ASTN1: variants seen among roughly 807,000 people sequenced by gnomAD.
ASTN1 encodes the protein astrotactin-1.
ASTN1 carries 41 observed loss-of-function variants against 140.7 expected under a neutral mutation model. The ratio of observed to expected loss-of-function variants is 0.29; its 90% confidence interval spans 0.23 to 0.38. The LOEUF (loss-of-function observed/expected upper bound fraction) is 0.38, where lower values mean the gene tolerates loss of function less well. Ranked by LOEUF, ASTN1 falls within the 10% of genes least tolerant of loss-of-function variation. The probability of loss-of-function intolerance (pLI) is 1.00; values close to 1 mark genes in which losing one functional copy is unlikely to be tolerated. For missense variants in ASTN1, 1,479 were observed against 1,678.8 expected, an observed-to-expected ratio of 0.88 and a Z score of 2.08; for synonymous variants, 640 against 652.2, an observed-to-expected ratio of 0.98 and a Z score of 0.29.
intron 8 of ASTN1, among the ~76,000 whole-genome samples, chr1:176,968,590 G>A (rs570279757): frequency 7.9e-5 from 12 of 152,324 alleles, no homozygotes; most frequent in Admixed American, 5.9e-4. Context: ...AGAAGTCAGC[G>A]AGTAGCAAAA....
chr1:176,887,827 G>A (rs559947387), intron 18 of ASTN1, among the ~76,000 whole-genome samples: 3 of 152,232 alleles, frequency 2.0e-5, no homozygotes, highest in South Asian at 2.1e-4. Flanking sequence ...TCACCATGGC[G>A]TCAGTTCAGA....
chr1:177,129,461 T>C (rs1023544529), intron 1 of ASTN1, among the ~76,000 whole-genome samples: 1 of 152,184 alleles, frequency 6.6e-6, no homozygotes, highest in Non-Finnish European at 1.5e-5. Flanking sequence ...CCGCCAGATC[T>C]AGAAGCACTG....
At chr1:176,899,192 G>A (rs1290310081) in intron 16 of ASTN1, among the ~76,000 whole-genome samples, 2 of 152,248 alleles carry the variant, frequency 1.3e-5, no homozygotes, top group Admixed American at 6.5e-5. Context: ...GTATCCTACA[G>A]CATACAGTGG....
chr1:177,053,806 C>G (rs547156751), intron 2 of ASTN1, among the ~76,000 whole-genome samples: 3 of 152,254 alleles, frequency 2.0e-5, no homozygotes, highest in Admixed American at 2.0e-4. Context: ...ATAAACCCAC[C>G]ACCAGCTGTG....
At chr1:177,057,250 C>A (rs1677852493) in intron 2 of ASTN1, among the ~76,000 whole-genome samples, 1 of 152,102 alleles carries the variant, frequency 6.6e-6, no homozygotes, top group Non-Finnish European at 1.5e-5. Flanking sequence ...GCCGAGCTCC[C>A]AGCTGGGGAA....
intron 16 of ASTN1, among the ~76,000 whole-genome samples, chr1:176,928,375 T>TA (rs1315759011): frequency 2.0e-5 from 3 of 152,116 alleles, no homozygotes; most frequent in African/African-American, 7.2e-5. Context: ...CTTTTGAAAT[T>TA]AAAAAAAGAA....
At chr1:177,085,247 T>C (rs529592124) in intron 1 of ASTN1, among the ~76,000 whole-genome samples, 1 of 152,254 alleles carries the variant, frequency 6.6e-6, no homozygotes, top group Non-Finnish European at 1.5e-5. Flanking sequence ...TTCTTACCTA[T>C]AAAACAAAGT....
In ASTN1 at chr1:176,949,201, T is replaced by C. The variant is rs376903538; in HGVS notation, c.2038A>G (p.Ile680Val). The C allele has an allele frequency of 3.7e-6, 6 of 1,613,832 alleles. No homozygotes were observed. In the African/African-American group the frequency reaches 5.3e-5, roughly 14 times the overall value. ...TCAACTCACCCACAGAACATGAGGATGTTATACAAGGTGGGGTCGTCCGGG... is the reference window on the plus strand; with the variant it reads ...TCAACTCACCCACAGAACATGAGGACGTTATACAAGGTGGGGTCGTCCGGG... ...PFPDDPTLYN[I>V]LMFCGCIEDY... Residue 680 changes from isoleucine (I) to valine (V), a missense_variant, in exon 12 of 23, where the codon ATC becomes GTC. By Grantham distance (29) the Ile-to-Val change is conservative (BLOSUM62 3). This residue lies in a region of ASTN1 where 746 missense variants were observed against 800.9 expected (regional missense o/e 0.93). Coordinates refer to ENST00000361833, the MANE Select transcript of ASTN1 (RefSeq NM_004319.3).
intron 1 of ASTN1, among the ~76,000 whole-genome samples, chr1:177,118,338 A>T (rs1681199281): frequency 6.6e-6 from 1 of 152,194 alleles, no homozygotes; most frequent in Non-Finnish European, 1.5e-5. Context: ...TTATTTTTCA[A>T]TTATCACGAA....
rs752963618 is a variant in ASTN1, at chr1:176,884,341, G to C, written c.3224C>G (p.Thr1075Arg). The C allele has an allele frequency of 6.2e-7, 1 of 1,613,422 alleles. No homozygotes were observed. The highest frequency in any genetic ancestry group is 8.5e-7 in the Non-Finnish European group (1 of 1,179,350). ...TDRMDHSKVE[T>R]ETVLSFVDDI... ...CCCATGAAGTAGAAGGTGCTCACCTGTCTCCACTTTGGAGTGGTCCATCCT... is the reference window on the plus strand; with the variant it reads ...CCCATGAAGTAGAAGGTGCTCACCTCTCTCCACTTTGGAGTGGTCCATCCT... The change falls in exon 19 of 23, where the codon ACA (threonine) becomes AGA (arginine). Residue 1075 changes from threonine (T) to arginine (R), a missense_variant and splice_region_variant. Thr to Arg is a moderately conservative substitution (Grantham distance 71). This residue lies in a region of ASTN1 where 746 missense variants were observed against 800.9 expected (regional missense o/e 0.93). Coordinates refer to ENST00000361833, the MANE Select transcript of ASTN1 (RefSeq NM_004319.3).
Position 176,936,387 on chromosome 1 carries a change from T to C in ASTN1, c.2378-17A>G. On this transcript the variant is annotated splice_polypyrimidine_tract_variant and intron_variant, in intron 14 of 22. Coordinates refer to ENST00000361833, the MANE Select transcript of ASTN1 (RefSeq NM_004319.3). ...TCACCATCCCTAAGGACAGAAGAGA[T>C]GTAAGCTGAGTTCTGATACTGATTC... The C allele has an allele frequency of 6.3e-7, 1 of 1,598,908 alleles. No individual in the cohort carries two copies. The highest frequency in any genetic ancestry group is 2.2e-5 in the East Asian group (1 of 44,788).
chr1:177,115,763 AAAT>A (rs1681056242), intron 1 of ASTN1, among the ~76,000 whole-genome samples: 1 of 152,090 alleles, frequency 6.6e-6, no homozygotes, highest in Non-Finnish European at 1.5e-5. Flanking sequence ...ATAAAGAAGA[AAAT>A]AATAATCTCT....
chr1:177,119,367 A>T (rs981925948), intron 1 of ASTN1, among the ~76,000 whole-genome samples: 1 of 152,192 alleles, frequency 6.6e-6, no homozygotes, highest in African/African-American at 2.4e-5. Flanking sequence ...ACATACCTCC[A>T]TGTGTATATA....
chr1:177,144,205 G>GCTA (rs1271215898), intron 1 of ASTN1, among the ~76,000 whole-genome samples: 4 of 151,098 alleles, frequency 2.6e-5, no homozygotes, highest in Non-Finnish European at 4.4e-5. Flanking sequence ...AGTCCCTAAG[G>GCTA]CTACTACCAA....
At chr1:176,946,416 G>T (rs1163022085) in intron 12 of ASTN1, among the ~76,000 whole-genome samples, 1 of 152,046 alleles carries the variant, frequency 6.6e-6, no homozygotes, top group Non-Finnish European at 1.5e-5. Context: ...AATAGGTCAG[G>T]GTAAGAATCA....
intron 21 of ASTN1, among the ~76,000 whole-genome samples, chr1:176,871,200 G>C (rs539511553): frequency 6.6e-6 from 1 of 152,128 alleles, no homozygotes; most frequent in Non-Finnish European, 1.5e-5. Flanking sequence ...TGTGCAGGGG[G>C]TCTGTCATTT....
At chr1:176,860,972 A>G, downstream of ASTN1, 1 of 618,994 alleles carries the variant, frequency 1.6e-6, no homozygotes, top group Non-Finnish European at 2.0e-6. Flanking sequence ...TTATGTCTGG[A>G]ATCTGAAGTG....
chr1:177,056,586 T>TAC lies in ASTN1; in HGVS notation c.471+4490_471+4491dup, dbSNP rs576471039. ...TCATATATATATATATATATATATA[T>TAC]ACACATATCTCCAAAGAATTTTAGA... On this transcript the variant is annotated intron_variant, in intron 2 of 22. Transcript: ENST00000361833. 7.1e-4 allele frequency among the ~76,000 whole-genome samples: 92 copies of TAC among 129,128 alleles called. 2 individuals are homozygous for TAC. The highest frequency in any genetic ancestry group is 3.2e-3 in the Admixed American group (43 of 13,356). The allele number at this position is 129,128 out of a possible 152,430, so 84.7% of individuals were successfully genotyped here.
chr1:177,001,221 A>C (rs1393570685), intron 8 of ASTN1, among the ~76,000 whole-genome samples: 1 of 152,248 alleles, frequency 6.6e-6, no homozygotes, highest in Non-Finnish European at 1.5e-5. Flanking sequence ...AAGGTATGAC[A>C]GTGCAATTTT....
Sources: allele counts gnomAD v4.1 joint callset (sites outside exome capture counted in the v4.1 genomes callset), GRCh38; gene constraint gnomAD v4.1.1; regional missense constraint gnomAD v4.1.1; transcripts MANE v1.5; gene names NCBI Gene and HGNC (gene_info 2026-07-23, HGNC 2026-07-21).